FDX1: variants seen among roughly 807,000 people sequenced by gnomAD.
FDX1 encodes ferredoxin 1.
A neutral mutation model predicts 14.9 loss-of-function variants in FDX1; 9 were observed. That is an observed-to-expected ratio of 0.60 (90% CI 0.36 to 1.05). The LOEUF (loss-of-function observed/expected upper bound fraction) is 1.05. FDX1 is among the 50% of genes least tolerant of loss of function. The pLI, the probability that FDX1 is intolerant of heterozygous loss-of-function variation, is 0.01. For missense variants in FDX1, 204 were observed against 237.2 expected, an observed-to-expected ratio of 0.86 and a Z score of 0.92; for synonymous variants, 92 against 99.4, an observed-to-expected ratio of 0.93 and a Z score of 0.44.
At chr11:110,433,948 G>A (rs1195914036) in intron 1 of FDX1, among the ~76,000 whole-genome samples, 1 of 152,152 alleles carries the variant, frequency 6.6e-6, no homozygotes, top group Non-Finnish European at 1.5e-5. Flanking sequence ...ATGGGCTATT[G>A]CCATCTACTG....
chr11:110,449,507 C>T (rs896054070), intron 2 of FDX1, among the ~76,000 whole-genome samples: 1 of 152,064 alleles, frequency 6.6e-6, no homozygotes, highest in Admixed American at 6.6e-5. Context: ...TAAACATATC[C>T]TTCACCTCAC....
At chr11:110,455,819 G>A (rs1369221152) in intron 2 of FDX1, among the ~76,000 whole-genome samples, 1 of 152,196 alleles carries the variant, frequency 6.6e-6, no homozygotes, top group African/African-American at 2.4e-5. Context: ...GGATAGCGTT[G>A]GACCAGTAGG....
intron 2 of FDX1, among the ~76,000 whole-genome samples, chr11:110,450,531 C>T (rs531289683): frequency 3.7e-4 from 56 of 152,180 alleles, no homozygotes; most frequent in Non-Finnish European, 6.5e-4. Context: ...GCCTGTGGCT[C>T]GGGACTGCTG....
chr11:110,444,627 AAT>A (rs1411818579), intron 2 of FDX1, among the ~76,000 whole-genome samples: 4 of 115,844 alleles, frequency 3.5e-5, no homozygotes, highest in East Asian at 5.3e-4. Flanking sequence ...AAAAAAAGAA[AAT>A]ATATGTGTGT....
chr11:110,462,011 C>T (rs1214660452), intron 3 of FDX1, among the ~76,000 whole-genome samples: 1 of 152,144 alleles, frequency 6.6e-6, no homozygotes, highest in African/African-American at 2.4e-5. Flanking sequence ...CTTGGCCTTG[C>T]TAATAACCTC....
In FDX1 at chr11:110,430,125, C is replaced by G. The variant is rs1360435460; in HGVS notation, c.5C>G (p.Ala2Gly). The change falls in exon 1 of 4, where the codon GCT becomes GGT. Residue 2 changes from alanine (A) to glycine (G), a missense_variant. Ala to Gly is a moderately conservative substitution (Grantham distance 60, BLOSUM62 0). Transcript: ENST00000260270. M[A>G]AAGGARLLRA... The stretch of plus-strand genomic sequence containing the variant: ...GGCAGTTCCCGACCGCGGGCGATGG[C>G]TGCCGCTGGGGGCGCCCGGCTGCTG... 5 of 1,237,876 alleles carry G rather than the reference C, an allele frequency of 4.0e-6. No individual in the cohort carries two copies. The African/African-American group carries it at 4.7e-5, about 12-fold the overall frequency. 76.7% of individuals were successfully genotyped at this position (1,237,876 alleles called of 1,614,324 possible).
At chr11:110,459,801 G>A (rs1946545346) in intron 3 of FDX1, among the ~76,000 whole-genome samples, 1 of 152,314 alleles carries the variant, frequency 6.6e-6, no homozygotes, top group Non-Finnish European at 1.5e-5. Context: ...CTTGGAGCCA[G>A]AGATCTTTAA....
intron 2 of FDX1, among the ~76,000 whole-genome samples, chr11:110,449,252 A>T (rs780751477): frequency 2.6e-5 from 4 of 152,250 alleles, no homozygotes; most frequent in Non-Finnish European, 4.4e-5. Flanking sequence ...ACTAAAATGT[A>T]TATACTTTTA....
chr11:110,431,649 G>C (rs537197569), intron 1 of FDX1, among the ~76,000 whole-genome samples: 2 of 152,306 alleles, frequency 1.3e-5, no homozygotes, highest in South Asian at 4.1e-4. Flanking sequence ...TTGGACAACT[G>C]AATCAATTGG....
Position 110,440,020 on chromosome 11 carries a change from T to A in FDX1, c.310+4062T>A, listed in dbSNP as rs571511804. Among the ~76,000 whole-genome samples, 13 of 152,340 alleles carry A rather than the reference T, an allele frequency of 8.5e-5. 1 individual carries two copies. The highest frequency in any genetic ancestry group is 3.1e-4 in the African/African-American group (13 of 41,582). The stretch of plus-strand genomic sequence containing the variant: ...CTTTATTTTTCGGGTCTCTATTCTG[T>A]TCCTTTGGTCTGTGTGTCTAGGTTT... On this transcript the variant is annotated intron_variant, in intron 2 of 3. Coordinates refer to ENST00000260270, the MANE Select transcript of FDX1 (RefSeq NM_004109.5).
rs147874675 is a variant in FDX1, at chr11:110,440,040, A to G, written c.310+4082A>G. On this transcript the variant is annotated intron_variant, in intron 2 of 3. Coordinates refer to ENST00000260270, the MANE Select transcript of FDX1 (RefSeq NM_004109.5). ...TTCTGTTCCTTTGGTCTGTGTGTCT[A>G]GGTTTTCTAGGTTGTGTGCATAGGG... Among the ~76,000 whole-genome samples, 669 of 152,172 alleles carry G rather than the reference A, an allele frequency of 4.4e-3. 10 individuals carry two copies. Among genetic ancestry groups the G allele is most frequent in the African/African-American group, 0.015 (619 of 41,512 alleles).
intron 2 of FDX1, among the ~76,000 whole-genome samples, chr11:110,443,169 A>C (rs549790183): frequency 6.6e-6 from 1 of 152,268 alleles, no homozygotes; most frequent in South Asian, 2.1e-4. Flanking sequence ...GGACTAATAC[A>C]ATTGGTTACA....
chr11:110,429,908 C>T, upstream of FDX1: 2 of 339,602 alleles, frequency 5.9e-6, no homozygotes, highest in Non-Finnish European at 1.1e-5. Flanking sequence ...GGCGGGGCCG[C>T]GCTCTGCTTG....
intron 3 of FDX1, among the ~76,000 whole-genome samples, chr11:110,461,968 G>A (rs996583757): frequency 1.3e-5 from 2 of 152,174 alleles, no homozygotes; most frequent in Non-Finnish European, 2.9e-5. Context: ...AGTCTGTGTG[G>A]TTTTAATTAT....
At chr11:110,443,501 C>T (rs1946419276) in intron 2 of FDX1, among the ~76,000 whole-genome samples, 1 of 146,726 alleles carries the variant, frequency 6.8e-6, no homozygotes, top group Non-Finnish European at 1.5e-5. Context: ...AATGCAATGG[C>T]ACGATCTCGG....
In FDX1 at chr11:110,456,509, C is replaced by CTTTT. The variant is rs11463993; in HGVS notation, c.311-389_311-386dup. On this transcript the variant is annotated intron_variant, in intron 2 of 3. Transcript: ENST00000260270. The stretch of plus-strand genomic sequence containing the variant: ...CATTTTCACCTTTCATTTATGTATT[C>CTTTT]TTTTTTTTTTTTTTTTTTTTTTTGA... 1.6e-3 allele frequency among the ~76,000 whole-genome samples: 133 copies of CTTTT among 83,802 alleles called. 2 individuals are homozygous for CTTTT. The highest frequency in any genetic ancestry group is 9.3e-3 in the Middle Eastern group (1 of 108). The allele number at this position is 83,802 out of a possible 152,430, so 55.0% of individuals were successfully genotyped here.
At chr11:110,448,111 C>T (rs776024972) in intron 2 of FDX1, among the ~76,000 whole-genome samples, 10 of 152,114 alleles carry the variant, frequency 6.6e-5, no homozygotes, top group Non-Finnish European at 1.3e-4. Flanking sequence ...AATATTCTGT[C>T]ACTAGGGGGC....
intron 1 of FDX1, among the ~76,000 whole-genome samples, chr11:110,434,334 A>ATTTGCTTTT (rs71476086): frequency 0.064 from 8,049 of 125,330 alleles, 559 homozygotes; most frequent in East Asian, 0.27. Flanking sequence ...CGCCCTATTG[A>ATTTGCTTTT]TTTTTTTTTT....
At chr11:110,432,843 C>G (rs921123589) in intron 1 of FDX1, among the ~76,000 whole-genome samples, 11 of 152,156 alleles carry the variant, frequency 7.2e-5, no homozygotes, top group Admixed American at 2.0e-4. Flanking sequence ...TCGTTTCCGC[C>G]TCCTCTCCTC....
Sources: gnomAD v4.1 joint callset for allele counts (sites outside exome capture counted in the v4.1 genomes callset) on GRCh38, gnomAD v4.1.1 for gene constraint, MANE v1.5 for transcripts, NCBI Gene and HGNC (gene_info 2026-07-23, HGNC 2026-07-21) for gene names.